Variants in UBE2L3 observed in about 807,000 individuals in gnomAD.
UBE2L3 encodes ubiquitin conjugating enzyme E2 L3, also known as ubiquitin-conjugating enzyme E2 L3.
UBE2L3 carries 1 observed loss-of-function variant against 17.8 expected under a neutral mutation model. That is an observed-to-expected ratio of 0.06 (90% CI 0.02 to 0.27). UBE2L3 has a LOEUF of 0.27. UBE2L3 is among the 10% of genes least tolerant of loss of function. The pLI, the probability that UBE2L3 is intolerant of heterozygous loss-of-function variation, is 1.00. For synonymous variants in UBE2L3, 44 were observed against 68.5 expected (o/e 0.64, Z 1.76); for missense variants, 40 against 192.6 (o/e 0.21, Z 4.69).
intron 2 of UBE2L3, among the ~76,000 whole-genome samples, chr22:21,598,211 T>G (rs868026753): frequency 1.9e-4 from 19 of 98,180 alleles, no homozygotes; most frequent in African/African-American, 5.6e-4. Flanking sequence ...GTGTGTGTGT[T>G]TTTCATTTAT....
intron 2 of UBE2L3, among the ~76,000 whole-genome samples, chr22:21,602,481 G>T (rs112283625): frequency 0.013 from 2,004 of 152,342 alleles, 48 homozygotes; most frequent in African/African-American, 0.047. Context: ...GGTGACTTCT[G>T]TGGGATGAAG....
At chr22:21,560,486 TATC>T (rs1270251951) in intron 1 of UBE2L3, among the ~76,000 whole-genome samples, 2 of 147,786 alleles carry the variant, frequency 1.4e-5, no homozygotes, top group African/African-American at 5.1e-5. Context: ...AGTCTCGTTC[TATC>T]ATCCAGGCTG....
At chr22:21,556,301 G>A (rs1173297205) in intron 1 of UBE2L3, among the ~76,000 whole-genome samples, 1 of 152,100 alleles carries the variant, frequency 6.6e-6, no homozygotes, top group Non-Finnish European at 1.5e-5. Context: ...AGGCTGAAGT[G>A]GGAGAATAGT....
intron 2 of UBE2L3, 92 bp downstream of exon 2, chr22:21,593,048 T>C: frequency 9.0e-7 from 1 of 1,105,426 alleles, no homozygotes; most frequent in Non-Finnish European, 1.4e-6. Context: ...TAGTAGGCTC[T>C]TAGTCTAGGC....
At chr22:21,564,037 C>CTT (rs131661), upstream of UBE2L3, among the ~76,000 whole-genome samples, 1,040 of 138,086 alleles carry the variant, frequency 7.5e-3, 19 homozygotes, top group African/African-American at 0.026. Context: ...TTCTTTCTTT[C>CTT]TTTTTTTTTT....
chr22:21,576,195 A>G (rs1168423942), intron 1 of UBE2L3, among the ~76,000 whole-genome samples: 1 of 149,398 alleles, frequency 6.7e-6, no homozygotes, highest in East Asian at 2.0e-4. Flanking sequence ...GTTCACTGCA[A>G]CCTCCGCCTC....
In UBE2L3 at chr22:21,580,434, CTCTTT is replaced by C. The variant is rs1325873887; in HGVS notation, c.28-12416_28-12412del. The stretch of plus-strand genomic sequence containing the variant: ...TTGTTTTCTGTTCTTGTTGGAATTA[CTCTTT>C]TCTTTTCTTTCTTCTTTTTATTTTC... On this transcript the variant is annotated intron_variant, in intron 1 of 3. Transcript: ENST00000342192. Among the ~76,000 whole-genome samples, 9 of 152,190 alleles carry C rather than the reference CTCTTT, an allele frequency of 5.9e-5. No homozygotes were observed. In the East Asian group the frequency reaches 9.6e-4, roughly 16 times the overall value.
At chr22:21,608,579 C>G (rs926447329) in intron 2 of UBE2L3, among the ~76,000 whole-genome samples, 1 of 151,846 alleles carries the variant, frequency 6.6e-6, no homozygotes, top group Admixed American at 6.6e-5. Flanking sequence ...TGCACCACTA[C>G]GCTCTGCTAA....
chr22:21,619,593 GAC>G (rs1056313817), intron 3 of UBE2L3, among the ~76,000 whole-genome samples: 2 of 152,252 alleles, frequency 1.3e-5, no homozygotes, highest in Non-Finnish European at 2.9e-5. Flanking sequence ...GTGGGTTTTG[GAC>G]ACCAGGCCAG....
chr22:21,585,842 G>C (rs527859159), intron 1 of UBE2L3, among the ~76,000 whole-genome samples: 1 of 152,212 alleles, frequency 6.6e-6, no homozygotes, highest in Non-Finnish European at 1.5e-5. Flanking sequence ...GAATTACTGG[G>C]TTGCACCAAA....
intron 2 of UBE2L3, among the ~76,000 whole-genome samples, chr22:21,603,478 C>T (rs911068755): frequency 7.7e-5 from 11 of 143,006 alleles, no homozygotes; most frequent in African/African-American, 2.8e-4. Context: ...TGCAGTGAAC[C>T]GAGATCGTGC....
Position 21,621,903 on chromosome 22 carries a change from G to A in UBE2L3, c.*234G>A, listed in dbSNP as rs192567822. 4.4e-6 allele frequency: 2 copies of A among 449,794 alleles called. No homozygotes were observed. Among genetic ancestry groups the A allele is most frequent in the East Asian group, 8.5e-5 (2 of 23,416 alleles). 27.9% of individuals were successfully genotyped at this position (449,794 alleles called of 1,614,324 possible). A position where few individuals can be genotyped will look rare whatever the true frequency, so the allele number is the denominator to read the frequency against. ...TGCTCTCTTTGTTTTAAAAATCACT[G>A]CTTCAATCTACTTCAAAAGAATGGT... On this transcript the variant is annotated 3_prime_UTR_variant, in exon 4 of 4. Coordinates refer to ENST00000342192, the MANE Select transcript of UBE2L3 (RefSeq NM_003347.4).
chr22:21,595,361 C>T (rs551082449), intron 2 of UBE2L3, among the ~76,000 whole-genome samples: 1 of 152,244 alleles, frequency 6.6e-6, no homozygotes, highest in Non-Finnish European at 1.5e-5. Flanking sequence ...ACACTTGTAC[C>T]CCAACCTGGG....
At chr22:21,619,875 A>G (rs1043907886) in intron 3 of UBE2L3, among the ~76,000 whole-genome samples, 6 of 152,140 alleles carry the variant, frequency 3.9e-5, no homozygotes, top group African/African-American at 1.2e-4. Context: ...TATTTTTAGT[A>G]GAGACGGGGT....
chr22:21,557,185 C>T (rs1008429295), intron 1 of UBE2L3, among the ~76,000 whole-genome samples: 6 of 152,242 alleles, frequency 3.9e-5, no homozygotes, highest in African/African-American at 9.7e-5. Flanking sequence ...GACAACATGG[C>T]AAGGCTGCAT....
rs973100184 is a variant in UBE2L3 at position 21,622,317 on chromosome 22, G to A, written c.*648G>A. The A allele has an allele frequency of 3.3e-5, 5 of 153,094 alleles. No individual in the cohort carries two copies. The highest frequency in any genetic ancestry group is 1.2e-4 in the African/African-American group (5 of 41,452). 9.5% of individuals were successfully genotyped at this position (153,094 alleles called of 1,614,324 possible). Reference sequence around the variant, plus strand: ...AGCTGATGTTACCACAGTAACATCAGTTAATTGGGCAAGCCCTGATGTCAG... The same window carrying A: ...AGCTGATGTTACCACAGTAACATCAATTAATTGGGCAAGCCCTGATGTCAG... On this transcript the variant is annotated 3_prime_UTR_variant, in exon 4 of 4. Transcript: ENST00000342192.
chr22:21,556,604 T>C (rs1485311461), intron 1 of UBE2L3, among the ~76,000 whole-genome samples: 1 of 151,036 alleles, frequency 6.6e-6, no homozygotes, highest in Non-Finnish European at 1.5e-5. Flanking sequence ...TAATTTTTCT[T>C]TTCTTTTTTC....
chr22:21,612,908 A>AT (rs1929578396), intron 3 of UBE2L3, among the ~76,000 whole-genome samples: 1 of 152,084 alleles, frequency 6.6e-6, no homozygotes, highest in African/African-American at 2.4e-5. Context: ...AAGTGCTGGG[A>AT]TTACAGGCAT....
intron 1 of UBE2L3, chr22:21,555,292 G>A (rs1192118496): frequency 1.3e-5 from 2 of 152,148 alleles, no homozygotes; most frequent in African/African-American, 4.8e-5. Context: ...GAAACCACCA[G>A]CTTGTCTAAG....
Sources: gnomAD v4.1 joint callset for allele counts (sites outside exome capture counted in the v4.1 genomes callset) on GRCh38, gnomAD v4.1.1 for gene constraint, MANE v1.5 for transcripts, NCBI Gene and HGNC (gene_info 2026-07-23, HGNC 2026-07-21) for gene names.